Variants in CACNA1C observed in about 807,000 individuals in gnomAD.
CACNA1C encodes voltage-dependent L-type calcium channel subunit alpha-1C.
A neutral mutation model predicts 229.0 loss-of-function variants in CACNA1C; 30 were observed. That is an observed-to-expected ratio of 0.13 (90% CI 0.10 to 0.18). The LOEUF is 0.18. CACNA1C is among the 10% of genes least tolerant of loss of function. The probability of loss-of-function intolerance (pLI) is 1.00; values close to 1 mark genes in which losing one functional copy is unlikely to be tolerated. For synonymous variants in CACNA1C, 1,114 were observed against 1,132.5 expected (o/e 0.98, Z 0.33); for missense variants, 1,658 against 2,845.0 (o/e 0.58, Z 9.49).
rs1357469239 is a variant in CACNA1C at position 2,067,984 on chromosome 12, A to G, written c.49+14373A>G. Among the ~76,000 whole-genome samples, 2 of 152,178 alleles carry G rather than the reference A, an allele frequency of 1.3e-5. No homozygotes were observed. The highest frequency in any genetic ancestry group is 2.9e-5 in the Non-Finnish European group (2 of 68,036). ...ATCCTTATAATTATATCAGAATATC[A>G]AATTCCTGAGAACAGAACATTTTGT... On this transcript the variant is annotated intron_variant, in intron 1 of 46. Transcript: ENST00000399655. The surrounding 1 kb of genome is among the most constrained non-coding windows in gnomAD (Gnocchi z 5.3).
At chr12:2,174,877 T>C (rs1031320126) in intron 3 of CACNA1C, among the ~76,000 whole-genome samples, 8 of 152,228 alleles carry the variant, frequency 5.3e-5, no homozygotes, top group Non-Finnish European at 8.8e-5. Context: ...ATATATTTAC[T>C]ATTCATTAAG....
intron 38 of CACNA1C, 62 bp from the exon 39 acceptor site, chr12:2,674,478 AC>A: frequency 6.6e-7 from 1 of 1,525,016 alleles, no homozygotes; most frequent in Non-Finnish European, 8.9e-7. Context: ...TTCCTACCTT[AC>A]GCAGAGGGAC....
intron 3 of CACNA1C, among the ~76,000 whole-genome samples, chr12:2,236,241 G>A (rs2067305436): frequency 1.3e-5 from 2 of 152,180 alleles, no homozygotes; most frequent in South Asian, 4.1e-4. Context: ...TGATTCAGCA[G>A]GTTCGGGTTG....
intron 9 of CACNA1C, among the ~76,000 whole-genome samples, chr12:2,533,446 G>C (rs12423388): frequency 6.6e-6 from 1 of 152,234 alleles, no homozygotes; most frequent in Non-Finnish European, 1.5e-5. Flanking sequence ...CTCTCTGAGC[G>C]TGAAGGAGAA....
chr12:2,245,093 C>T (rs925862590), intron 3 of CACNA1C, among the ~76,000 whole-genome samples: 1 of 152,134 alleles, frequency 6.6e-6, no homozygotes, highest in Non-Finnish European at 1.5e-5. Flanking sequence ...GAGGAGCAGG[C>T]AAGACAGAAA....
At chr12:2,668,084 A>T (rs990962989) in intron 37 of CACNA1C, among the ~76,000 whole-genome samples, 1 of 152,156 alleles carries the variant, frequency 6.6e-6, no homozygotes, top group African/African-American at 2.4e-5. Flanking sequence ...CACAGAGAGG[A>T]CATGTAGCAT....
rs1597335655 is a variant in CACNA1C at position 2,148,546 on chromosome 12, G to T, written c.477+28116G>T. On this transcript the variant is annotated intron_variant, in intron 3 of 46. Transcript: ENST00000399655. ...ATTATGTGCCAGGAACTTTGAATTTGTCATCTTTTTGGTTTTCTTGGGACA... is the reference window on the plus strand; with the variant it reads ...ATTATGTGCCAGGAACTTTGAATTTTTCATCTTTTTGGTTTTCTTGGGACA... Among the ~76,000 whole-genome samples, 2 of 151,042 alleles carry T rather than the reference G, an allele frequency of 1.3e-5. 1 individual carries two copies. The highest frequency in any genetic ancestry group is 3.0e-5 in the Non-Finnish European group (2 of 67,576).
At chr12:2,435,550 G>A (rs560219032) in intron 3 of CACNA1C, among the ~76,000 whole-genome samples, 1 of 152,212 alleles carries the variant, frequency 6.6e-6, no homozygotes, top group Non-Finnish European at 1.5e-5. Context: ...CAGGGGGAAG[G>A]GTTGCCCGGG....
At chr12:2,049,408 G>C (rs1470800312), upstream of CACNA1C, 2 of 152,206 alleles carry the variant, frequency 1.3e-5, no homozygotes, top group African/African-American at 4.8e-5. Context: ...CATTTTTGTT[G>C]AATATTTAGT....
At chr12:1,978,598 T>C (rs760109884) in intron 1 of CACNA1C, among the ~76,000 whole-genome samples, 10 of 152,194 alleles carry the variant, frequency 6.6e-5, no homozygotes, top group Admixed American at 4.6e-4. Context: ...GAGTTGGCAA[T>C]AAAACACTCT....
At chr12:2,096,443 C>T (rs912291490) in intron 1 of CACNA1C, among the ~76,000 whole-genome samples, 5 of 152,198 alleles carry the variant, frequency 3.3e-5, no homozygotes, top group Non-Finnish European at 4.4e-5. Context: ...TCCTGAAGGA[C>T]AGCTTCCAAA....
At chr12:2,191,697 C>T (rs528025986) in intron 3 of CACNA1C, among the ~76,000 whole-genome samples, 23 of 152,100 alleles carry the variant, frequency 1.5e-4, no homozygotes, top group Admixed American at 5.2e-4. Context: ...CACCCAGGCA[C>T]ATGCACACAT....
At position 2,575,628 on chromosome 12, in the gene CACNA1C, C is replaced by T. The variant is rs976702518; in HGVS notation, c.1896-5962C>T. Among the ~76,000 whole-genome samples the T allele has an allele frequency of 3.9e-5, 6 of 152,096 alleles. No homozygotes were observed. The highest frequency in any genetic ancestry group is 1.9e-4 in the East Asian group (1 of 5,194). On this transcript the variant is annotated intron_variant, in intron 13 of 46. Transcript: ENST00000399655. This position sits in a 1 kb window ranked among gnomAD's most constrained non-coding sequence, Gnocchi z 4.0. ...CTTTTAACAATAGATCACTTGCCAC[C>T]GAAACTAAGAATTTTTTTTTAGCCT...
At chr12:2,158,737 A>G (rs543720092) in intron 3 of CACNA1C, among the ~76,000 whole-genome samples, 2 of 152,276 alleles carry the variant, frequency 1.3e-5, no homozygotes, top group East Asian at 3.9e-4. Flanking sequence ...GATAGGTAAA[A>G]ATATAAAACA....
In CACNA1C at chr12:2,126,121, GT is replaced by G. The variant is rs57155629; in HGVS notation, c.477+5701del. On this transcript the variant is annotated intron_variant, in intron 3 of 46. Coordinates refer to ENST00000399655, the MANE Select transcript of CACNA1C (RefSeq NM_000719.7). ...GAGATGAAAAGTATTCCAGAATAGA[GT>G]TTTTTTTTTAAAAGATCTCTCTCTC... Among the ~76,000 whole-genome samples the G allele has an allele frequency of 5.2e-3, 780 of 149,976 alleles. 6 individuals are homozygous for G. Among genetic ancestry groups the G allele is most frequent in the African/African-American group, 0.016 (674 of 40,994 alleles).
At chr12:2,688,349 G>A in intron 45 of CACNA1C, 98 bp from the exon 46 acceptor site, 1 of 1,127,078 alleles carries the variant, frequency 8.9e-7, no homozygotes, top group East Asian at 2.4e-5. Context: ...GAGCTAGCTG[G>A]ACACAGCAGC....
intron 3 of CACNA1C, among the ~76,000 whole-genome samples, chr12:2,142,975 AT>A (rs1226207931): frequency 0.014 from 2,093 of 147,522 alleles, 57 homozygotes; most frequent in African/African-American, 0.047. Context: ...AAATCTTTAA[AT>A]TTTTTTTTTT....
rs1263454610 is a variant in CACNA1C at position 2,694,140 on chromosome 12, T to G, written c.*2941T>G. 1 of 152,212 alleles carries G rather than the reference T, an allele frequency of 6.6e-6. No homozygotes were observed. Among genetic ancestry groups the G allele is most frequent in the Non-Finnish European group, 1.5e-5 (1 of 68,026 alleles). The allele number at this position is 152,212 out of a possible 1,614,324, so 9.4% of individuals were successfully genotyped here. On this transcript the variant is annotated 3_prime_UTR_variant, in exon 47 of 47. Coordinates refer to ENST00000399655, the MANE Select transcript of CACNA1C (RefSeq NM_000719.7). ...GAGGTACACACAGGCGTTCCCTGTC[T>G]AGGGCAGGAGGACTATCCTAGCTTG...
chr12:2,578,321 A>AG (rs1239158405), intron 13 of CACNA1C, among the ~76,000 whole-genome samples: 1 of 152,132 alleles, frequency 6.6e-6, no homozygotes, highest in Non-Finnish European at 1.5e-5. Context: ...GAGCATGTGT[A>AG]GGAGTTGGAG....
Sources: allele counts gnomAD v4.1 joint callset (sites outside exome capture counted in the v4.1 genomes callset), GRCh38; gene constraint gnomAD v4.1.1; non-coding constraint Gnocchi (gnomAD v3.1); transcripts MANE v1.5; gene names NCBI Gene and HGNC (gene_info 2026-07-23, HGNC 2026-07-21).